Variants in FEZ2 observed in about 807,000 individuals in gnomAD.
The protein encoded by FEZ2 is fasciculation and elongation protein zeta 2.
A neutral mutation model predicts 40.4 loss-of-function variants in FEZ2; 51 were observed. The observed-to-expected ratio is 1.26, with a 90% CI of 1.01 to 1.59. The LOEUF (loss-of-function observed/expected upper bound fraction) is 1.59. FEZ2 is among the 40% of genes most tolerant of loss of function. The probability of loss-of-function intolerance (pLI) is 0.00; values close to 1 mark genes in which losing one functional copy is unlikely to be tolerated. For synonymous variants in FEZ2, 242 were observed against 172.0 expected (o/e 1.41, Z -3.18); for missense variants, 640 against 438.3 (o/e 1.46, Z -4.11).
intron 5 of FEZ2, among the ~76,000 whole-genome samples, chr2:36,567,356 G>T (rs187919786): frequency 6.6e-6 from 1 of 152,104 alleles, no homozygotes; most frequent in African/African-American, 2.4e-5. Context: ...AGTGAACAAC[G>T]GAGTTCTGGA....
chr2:36,576,602 T>C lies in FEZ2; in HGVS notation c.903+1995A>G, dbSNP rs547421530. 1.1e-4 allele frequency among the ~76,000 whole-genome samples: 17 copies of C among 152,324 alleles called. No homozygotes were observed. In the South Asian group the frequency reaches 2.7e-3, roughly 24 times the overall value. On this transcript the variant is annotated intron_variant, in intron 5 of 7. Transcript: ENST00000405912. ...TAGGCTTTAAAAGGATACAGGAAACTAGTACTGCAAGCTTAGCCGTGCCAT... is the reference window on the plus strand; with the variant it reads ...TAGGCTTTAAAAGGATACAGGAAACCAGTACTGCAAGCTTAGCCGTGCCAT...
intron 5 of FEZ2, among the ~76,000 whole-genome samples, chr2:36,562,385 C>G (rs1377841396): frequency 6.6e-6 from 1 of 152,166 alleles, no homozygotes. Flanking sequence ...GGCTGAATCA[C>G]TGAGGGAGCT....
intron 3 of FEZ2, 22 bp from the exon 4 acceptor site, chr2:36,581,453 T>TGTTA (rs752240310): frequency 1.2e-6 from 2 of 1,609,226 alleles, no homozygotes; most frequent in Non-Finnish European, 1.7e-6. Flanking sequence ...CACACACCAC[T>TGTTA]GTTAATCAAA....
At chr2:36,597,785 G>C (rs568704491) in intron 1 of FEZ2, 92 bp downstream of exon 1, 1 of 974,692 alleles carries the variant, frequency 1.0e-6, no homozygotes, top group African/African-American at 1.8e-5. Flanking sequence ...GGCGGAAGGA[G>C]GGCGCAGGGA....
At chr2:36,571,441 G>T (rs537880712) in intron 5 of FEZ2, among the ~76,000 whole-genome samples, 2 of 150,064 alleles carry the variant, frequency 1.3e-5, no homozygotes, top group South Asian at 2.1e-4. Flanking sequence ...TGGGCGGATC[G>T]CTTGAGGCCA....
chr2:36,568,774 C>A (rs566852426), intron 5 of FEZ2, among the ~76,000 whole-genome samples: 1 of 152,216 alleles, frequency 6.6e-6, no homozygotes, highest in Non-Finnish European at 1.5e-5. Context: ...CCAGTATTTA[C>A]GCTGAGAATA....
At chr2:36,588,982 T>C (rs1668990075) in intron 2 of FEZ2, among the ~76,000 whole-genome samples, 1 of 152,244 alleles carries the variant, frequency 6.6e-6, no homozygotes, top group South Asian at 2.1e-4. Context: ...ACCCATGGAC[T>C]GGTTTTGGTG....
At chr2:36,573,262 T>A (rs999824247) in intron 5 of FEZ2, among the ~76,000 whole-genome samples, 1 of 152,244 alleles carries the variant, frequency 6.6e-6, no homozygotes, top group Non-Finnish European at 1.5e-5. Context: ...CTATTCCATT[T>A]TCATACATAT....
chr2:36,573,440 A>C (rs1282073209), intron 5 of FEZ2, among the ~76,000 whole-genome samples: 1 of 152,232 alleles, frequency 6.6e-6, no homozygotes, highest in Non-Finnish European at 1.5e-5. Flanking sequence ...TGAATGTCTG[A>C]TGTAACAGAA....
intron 5 of FEZ2, among the ~76,000 whole-genome samples, chr2:36,577,347 T>C (rs954868181): frequency 6.6e-6 from 1 of 151,890 alleles, no homozygotes; most frequent in African/African-American, 2.4e-5. Flanking sequence ...AATCTCCGCC[T>C]CCTGGGTTCA....
At chr2:36,572,731 T>C (rs933272373) in intron 5 of FEZ2, among the ~76,000 whole-genome samples, 1 of 152,174 alleles carries the variant, frequency 6.6e-6, no homozygotes, top group African/African-American at 2.4e-5. Context: ...GCAAATGTGC[T>C]GTTAAAAAAA....
At chr2:36,595,390 C>T (rs1214754385) in intron 1 of FEZ2, among the ~76,000 whole-genome samples, 1 of 152,022 alleles carries the variant, frequency 6.6e-6, no homozygotes, top group East Asian at 1.9e-4. Context: ...GCATTAGATT[C>T]TCATAAGGTG....
intron 1 of FEZ2, among the ~76,000 whole-genome samples, chr2:36,596,589 G>T (rs1669229793): frequency 6.6e-6 from 1 of 152,104 alleles, no homozygotes; most frequent in African/African-American, 2.4e-5. Context: ...CCGGGCAGCT[G>T]GGTCCGTGGG....
chr2:36,575,640 TTCTG>T (rs1668548040), intron 5 of FEZ2, among the ~76,000 whole-genome samples: 1 of 152,224 alleles, frequency 6.6e-6, no homozygotes, highest in South Asian at 2.1e-4. Flanking sequence ...AGATAATACT[TTCTG>T]TAACATTTCA....
intron 5 of FEZ2, among the ~76,000 whole-genome samples, chr2:36,559,542 T>A (rs548393862): frequency 3.5e-4 from 53 of 152,342 alleles, no homozygotes; most frequent in African/African-American, 1.2e-3. Context: ...TAAAACTGCA[T>A]AGTTCAATCT....
intron 5 of FEZ2, among the ~76,000 whole-genome samples, chr2:36,572,142 TTTTG>T (rs1558448411): frequency 6.6e-6 from 1 of 152,152 alleles, no homozygotes; most frequent in African/African-American, 2.4e-5. Flanking sequence ...TTTTTATTCC[TTTTG>T]TTTGTCTCCA....
chr2:36,582,932 T>C (rs1467567808), intron 3 of FEZ2, among the ~76,000 whole-genome samples: 1 of 152,232 alleles, frequency 6.6e-6, no homozygotes, highest in Non-Finnish European at 1.5e-5. Flanking sequence ...GCTCACTTCT[T>C]TCTGGGGCAC....
rs769091020 is a variant in FEZ2 at position 36,552,776 on chromosome 2, T to A, written c.*387A>T. On this transcript the variant is annotated 3_prime_UTR_variant, in exon 8 of 8. Coordinates refer to ENST00000405912, the MANE Select transcript of FEZ2 (RefSeq NM_005102.3). The stretch of plus-strand genomic sequence containing the variant: ...AAACAGTGTTGGTTCTTGCCATCAC[T>A]GAATTTATAGTATAAATCTCCCAAG... 1.0e-3 allele frequency: 210 copies of A among 206,392 alleles called. No homozygotes were observed. The highest frequency in any genetic ancestry group is 1.7e-3 in the Non-Finnish European group (171 of 102,728). 12.8% of individuals were successfully genotyped at this position (206,392 alleles called of 1,614,324 possible). A position where few individuals can be genotyped will look rare whatever the true frequency, so the allele number is the denominator to read the frequency against.
In FEZ2 at chr2:36,587,390, C is replaced by T. The variant is rs537070199; in HGVS notation, c.375+3513G>A. 7.9e-5 allele frequency among the ~76,000 whole-genome samples: 12 copies of T among 152,326 alleles called. No homozygotes were observed. The East Asian group carries it at 2.3e-3, about 29-fold the overall frequency. On this transcript the variant is annotated intron_variant, in intron 2 of 7. Coordinates refer to ENST00000405912, the MANE Select transcript of FEZ2 (RefSeq NM_005102.3). ...TTAAATGTGCCTTCTCTTTGCCAAGCATTCCCATCACTCCTTCCAATGCCA... is the reference window on the plus strand; with the variant it reads ...TTAAATGTGCCTTCTCTTTGCCAAGTATTCCCATCACTCCTTCCAATGCCA...
Sources: allele counts gnomAD v4.1 joint callset (sites outside exome capture counted in the v4.1 genomes callset), GRCh38; gene constraint gnomAD v4.1.1; transcripts MANE v1.5; gene names NCBI Gene and HGNC (gene_info 2026-07-23, HGNC 2026-07-21).